Variants in TSNAX observed in about 807,000 individuals in gnomAD.
The protein encoded by TSNAX is translin-associated protein X.
TSNAX carries 12 observed loss-of-function variants against 33.0 expected under a neutral mutation model. That is an observed-to-expected ratio of 0.36 (90% CI 0.23 to 0.59). The LOEUF is 0.59. Ranked by LOEUF, TSNAX falls within the 20% of genes least tolerant of loss-of-function variation. TSNAX has a pLI of 0.74. For missense variants in TSNAX, 267 were observed against 341.3 expected, an observed-to-expected ratio of 0.78 and a Z score of 1.72; for synonymous variants, 110 against 117.2, an observed-to-expected ratio of 0.94 and a Z score of 0.40.
intron 4 of TSNAX, among the ~76,000 whole-genome samples, chr1:231,548,663 TAAG>T (rs1300451069): frequency 2.6e-5 from 4 of 152,226 alleles, no homozygotes; most frequent in Non-Finnish European, 4.4e-5. Flanking sequence ...TGTTATTTGT[TAAG>T]AGGAGAAAAC....
In TSNAX at chr1:231,528,830, G is replaced by A; in HGVS notation, c.16+4G>A. On this transcript the variant is annotated splice_donor_region_variant and intron_variant, in intron 1 of 5. Coordinates refer to ENST00000366639, the MANE Select transcript of TSNAX (RefSeq NM_005999.3). ...GACGACATGAGCAACAAAGAAGGTG[G>A]CGTCCTTAACAACACGGGGCGTTAT... The A allele has an allele frequency of 6.2e-7, 1 of 1,614,202 alleles. No homozygotes were observed. Among genetic ancestry groups the A allele is most frequent in the Non-Finnish European group, 8.5e-7 (1 of 1,180,046 alleles).
intron 5 of TSNAX, among the ~76,000 whole-genome samples, chr1:231,562,617 C>A (rs1380503147): frequency 5.9e-5 from 9 of 151,922 alleles, no homozygotes; most frequent in African/African-American, 2.2e-4. Flanking sequence ...GGGGAAAAGG[C>A]CAGAAAATTG....
chr1:231,532,060 C>T (rs1369137296), intron 2 of TSNAX, among the ~76,000 whole-genome samples: 1 of 142,346 alleles, frequency 7.0e-6, no homozygotes, highest in East Asian at 2.3e-4. Context: ...CAACAGAGAC[C>T]CTGACTCAAA....
intron 4 of TSNAX, among the ~76,000 whole-genome samples, chr1:231,547,505 C>T (rs965910838): frequency 1.3e-5 from 2 of 150,956 alleles, no homozygotes; most frequent in East Asian, 2.0e-4. Flanking sequence ...ATTCTCCTGC[C>T]TCAGCTTCCC....
chr1:231,555,751 C>T (rs558857148), intron 4 of TSNAX, among the ~76,000 whole-genome samples: 2 of 152,240 alleles, frequency 1.3e-5, no homozygotes, highest in South Asian at 4.2e-4. Context: ...GGAGTAAAAG[C>T]ACATCTTAAG....
chr1:231,557,180 G>A (rs1189542148), intron 4 of TSNAX, among the ~76,000 whole-genome samples: 2 of 152,154 alleles, frequency 1.3e-5, no homozygotes, highest in East Asian at 3.8e-4. Flanking sequence ...TCATTTGGAT[G>A]TGAGTGCCTG....
At chr1:231,558,883 C>A (rs1219352849) in intron 4 of TSNAX, among the ~76,000 whole-genome samples, 1 of 151,942 alleles carries the variant, frequency 6.6e-6, no homozygotes, top group East Asian at 1.9e-4. Context: ...TCCCTTCTGA[C>A]CTATATTTGG....
intron 4 of TSNAX, among the ~76,000 whole-genome samples, chr1:231,557,667 T>G (rs999231016): frequency 6.6e-6 from 1 of 151,882 alleles, no homozygotes. Context: ...AGATTCAGTA[T>G]AGAACATAAA....
intron 4 of TSNAX, among the ~76,000 whole-genome samples, chr1:231,552,080 G>T (rs918078491): frequency 5.9e-5 from 9 of 152,192 alleles, no homozygotes; most frequent in Non-Finnish European, 1.2e-4. Flanking sequence ...CGAATCACCT[G>T]AGGTCGGGAG....
rs375022282 is a variant in TSNAX, at chr1:231,542,492, T to C, written c.248T>C (p.Met83Thr). 6.2e-6 allele frequency: 10 copies of C among 1,613,898 alleles called. No homozygotes were observed. The highest frequency in any genetic ancestry group is 1.3e-5 in the African/African-American group (1 of 75,046). The change falls in exon 4 of 6, where the codon ATG (methionine) becomes ACG (threonine). Residue 83 changes from methionine to threonine, a missense_variant. This residue lies in a region of TSNAX where 200 missense variants were observed against 214.1 expected (regional missense o/e 0.93). Coordinates refer to ENST00000366639, the MANE Select transcript of TSNAX (RefSeq NM_005999.3). ...LLHRITSAPD[M>T]EDILTESEIK... ...TATCTTGATCATAGTGCTCCTGATA[T>C]GGAAGATATATTGACTGAATCAGAA...
chr1:231,561,750 G>C (rs1661131570), intron 5 of TSNAX, among the ~76,000 whole-genome samples: 1 of 152,186 alleles, frequency 6.6e-6, no homozygotes, highest in South Asian at 2.1e-4. Context: ...TTCTCACAGT[G>C]TGCTACAGGG....
chr1:231,547,389 CT>C (rs71179784), intron 4 of TSNAX, among the ~76,000 whole-genome samples: 1,062 of 104,658 alleles, frequency 0.01, 1 homozygote, highest in African/African-American at 0.033. Context: ...TTTTTTTTTT[CT>C]TTTTTTTTTT....
At chr1:231,564,412 C>T in intron 5 of TSNAX, 116 bp from the exon 6 acceptor site, 1 of 1,473,534 alleles carries the variant, frequency 6.8e-7, no homozygotes, top group Non-Finnish European at 9.0e-7. Context: ...GACTGATTTG[C>T]TATTGATTTT....
At position 231,528,734 on chromosome 1, in the gene TSNAX, C is replaced by T. The variant is rs1052564066; in HGVS notation, c.-77C>T. 18 of 1,582,194 alleles carry T rather than the reference C, an allele frequency of 1.1e-5. No individual in the cohort carries two copies. The highest frequency in any genetic ancestry group is 5.0e-5 in the Admixed American group (3 of 59,476). ...TTCTGCAGGCTGTTTTCCCAGGTTC[C>T]CTCGGCCTGTACCTCGCGCACTCCT... On this transcript the variant is annotated 5_prime_UTR_variant, in exon 1 of 6. Transcript: ENST00000366639.
rs566985423 is a variant in TSNAX at position 231,554,149 on chromosome 1, G to A, written c.368-6979G>A. ...GAGATTGACACCAAAGATAAATTTT[G>A]AGGACTCTTATTCCATATTCTCTCT... On this transcript the variant is annotated intron_variant, in intron 4 of 5. Transcript: ENST00000366639. Among the ~76,000 whole-genome samples the A allele has an allele frequency of 8.3e-4, 127 of 152,234 alleles. 1 individual carries two copies. Among genetic ancestry groups the A allele is most frequent in the African/African-American group, 3.0e-3 (123 of 41,540 alleles).
intron 4 of TSNAX, among the ~76,000 whole-genome samples, chr1:231,553,370 C>T (rs1459878573): frequency 6.6e-6 from 1 of 152,158 alleles, no homozygotes; most frequent in African/African-American, 2.4e-5. Flanking sequence ...AAAAAAATAA[C>T]AATTTACATA....
chr1:231,539,755 T>C (rs1013583308), intron 3 of TSNAX, among the ~76,000 whole-genome samples: 28 of 152,228 alleles, frequency 1.8e-4, no homozygotes, highest in African/African-American at 6.5e-4. Flanking sequence ...GCACTGTTTT[T>C]TATCATAGTT....
chr1:231,529,439 C>T, intron 2 of TSNAX, 80 bp downstream of exon 2: 1 of 1,399,742 alleles, frequency 7.1e-7, no homozygotes, highest in Non-Finnish European at 1.0e-6. Context: ...AAAACAGTCC[C>T]TAAGAATTTA....
intron 2 of TSNAX, chr1:231,536,545 GA>G (rs1360899689): frequency 6.6e-6 from 1 of 152,160 alleles, no homozygotes; most frequent in Non-Finnish European, 1.5e-5. Context: ...AAGGATTCAG[GA>G]ATTTGTGAGC....
Sources: allele counts gnomAD v4.1 joint callset (sites outside exome capture counted in the v4.1 genomes callset), GRCh38; gene constraint gnomAD v4.1.1; regional missense constraint gnomAD v4.1.1; transcripts MANE v1.5; gene names NCBI Gene and HGNC (gene_info 2026-07-23, HGNC 2026-07-21).